The following MTRR variants were observed in gnomAD, a reference collection of about 807,000 sequenced individuals.
The protein encoded by MTRR is methionine synthase reductase.
A neutral mutation model predicts 79.2 loss-of-function variants in MTRR; 63 were observed. The observed-to-expected ratio is 0.80, with a 90% CI of 0.65 to 0.98. The LOEUF is 0.98. Among genes scored for constraint, MTRR ranks in the 50% least tolerant of loss-of-function variants. The pLI, the probability that MTRR is intolerant of heterozygous loss-of-function variation, is 0.00. For synonymous variants in MTRR, 355 were observed against 313.3 expected (o/e 1.13, Z -1.41); for missense variants, 895 against 839.6 (o/e 1.07, Z -0.82).
chr5:7,885,123 G>A (rs1219825324), intron 6 of MTRR: 1 of 160,272 alleles, frequency 6.2e-6, no homozygotes, highest in Non-Finnish European at 1.4e-5. Flanking sequence ...AATGGGCCTA[G>A]TAATAGACTT....
chr5:7,864,692 C>T (rs1011736535), upstream of MTRR, among the ~76,000 whole-genome samples: 3 of 152,136 alleles, frequency 2.0e-5, no homozygotes, highest in Admixed American at 1.3e-4. Context: ...ATATGATATC[C>T]TCTTTCATGT....
chr5:7,860,997 C>T (rs773693541), intron 1 of MTRR: 9 of 507,162 alleles, frequency 1.8e-5, no homozygotes, highest in East Asian at 5.9e-5. Context: ...CAAGCCATTT[C>T]GAGTTTTGTG....
chr5:7,890,796 A>T (rs2126781844), intron 9 of MTRR, among the ~76,000 whole-genome samples: 1 of 152,332 alleles, frequency 6.6e-6, no homozygotes, highest in Admixed American at 6.5e-5. Flanking sequence ...AGATTATTTA[A>T]CCTGCTTTTG....
chr5:7,869,422 TTGG>T, intron 1 of MTRR: 1 of 593,120 alleles, frequency 1.7e-6, no homozygotes, highest in Non-Finnish European at 2.9e-6. Context: ...GAGCGTGTCC[TTGG>T]GCTCGGCGTC....
intron 1 of MTRR, among the ~76,000 whole-genome samples, chr5:7,853,684 C>T (rs1283881755): frequency 1.3e-5 from 2 of 152,088 alleles, no homozygotes; most frequent in Non-Finnish European, 2.9e-5. Context: ...GAAGAATTGC[C>T]CCAGAGGATC....
intron 1 of MTRR, among the ~76,000 whole-genome samples, chr5:7,856,066 A>G (rs994636596): frequency 6.6e-6 from 1 of 152,204 alleles, no homozygotes; most frequent in Non-Finnish European, 1.5e-5. Flanking sequence ...GCTGAGCTGG[A>G]GAGACTCAAG....
chr5:7,884,013 A>C (rs962737028), intron 6 of MTRR, among the ~76,000 whole-genome samples: 1 of 152,098 alleles, frequency 6.6e-6, no homozygotes, highest in Non-Finnish European at 1.5e-5. Flanking sequence ...AAAATACAAT[A>C]AGTAGCTGGG....
chr5:7,877,265 G>C (rs1389428541), intron 4 of MTRR, among the ~76,000 whole-genome samples: 1 of 152,132 alleles, frequency 6.6e-6, no homozygotes, highest in Non-Finnish European at 1.5e-5. Context: ...TAATTTGTTA[G>C]TAGTAGGTGG....
At chr5:7,867,275 A>T (rs540017511), upstream of MTRR, 9 of 1,613,792 alleles carry the variant, frequency 5.6e-6, no homozygotes, top group Admixed American at 1.5e-4. Flanking sequence ...GTGTTCATCC[A>T]CTTTTTCAGT....
At chr5:7,885,978 G>A in intron 7 of MTRR, 124 bp downstream of exon 7, 1 of 1,289,684 alleles carries the variant, frequency 7.8e-7, no homozygotes, top group South Asian at 1.2e-5. Flanking sequence ...GGGCTCAGCT[G>A]CGCATCAAGG....
intron 1 of MTRR, chr5:7,861,504 A>T: frequency 1.9e-6 from 2 of 1,043,662 alleles, no homozygotes; most frequent in Non-Finnish European, 1.3e-6. Context: ...TATTTTTTTC[A>T]CCTTCTTGAG....
upstream of MTRR, chr5:7,867,832 T>C (rs1012411193): frequency 5.0e-6 from 8 of 1,614,080 alleles, no homozygotes; most frequent in African/African-American, 9.3e-5. Context: ...CGCAGTCAGA[T>C]ACTTGAGAGA....
At chr5:7,891,554 A>G (rs986275456) in intron 10 of MTRR, 140 bp downstream of exon 10, 6 of 702,564 alleles carry the variant, frequency 8.5e-6, no homozygotes, top group East Asian at 8.1e-5. Context: ...ATAATAAAGC[A>G]GAAGAAGAAT....
At chr5:7,869,525 C>T (rs549081012) in intron 1 of MTRR, 49 of 357,000 alleles carry the variant, frequency 1.4e-4, no homozygotes, top group Non-Finnish European at 1.5e-4. Context: ...CTAGGGAAAC[C>T]GCACTCGGGG....
chr5:7,896,395 C>T, intron 12 of MTRR: 1 of 211,426 alleles, frequency 4.7e-6, no homozygotes, highest in Non-Finnish European at 9.5e-6. Context: ...GAGTCCTGTC[C>T]TTCGGACAGT....
chr5:7,887,807 T>C (rs568935911), intron 8 of MTRR, among the ~76,000 whole-genome samples: 1,042 of 35,152 alleles, frequency 0.03, 25 homozygotes, highest in South Asian at 0.052. Flanking sequence ...TATATATATA[T>C]ATATATATAT....
upstream of MTRR, chr5:7,868,196 T>C (rs1366119412): frequency 8.9e-5 from 25 of 281,494 alleles, no homozygotes; most frequent in Admixed American, 6.7e-4. Flanking sequence ...CAAACGAGTA[T>C]CTGGAAAAAA....
In MTRR at chr5:7,899,914, A is replaced by C. The variant is rs145608761; in HGVS notation, c.1953A>C (p.Gly651=). 1.2e-6 allele frequency: 2 copies of C among 1,614,066 alleles called. No individual in the cohort carries two copies. Among genetic ancestry groups the C allele is most frequent in the African/African-American group, 2.7e-5 (2 of 74,922 alleles). ...GTCATCTTATTATTTTCTTTTCTAGAGATGCAAAGAATATGGCCAAGGATG... is the reference window on the plus strand; with the variant it reads ...GTCATCTTATTATTTTCTTTTCTAGCGATGCAAAGAATATGGCCAAGGATG... The part of the protein sequence containing the change: ...LQENGHIYVC[G]DAKNMAKDVH... The change falls in exon 15 of 15, where the codon GGA becomes GGC. Residue 651 remains glycine, a splice_region_variant and synonymous_variant. Transcript: ENST00000440940.
chr5:7,900,310 C>T lies in MTRR; in HGVS notation c.*252C>T, dbSNP rs753509594. On this transcript the variant is annotated 3_prime_UTR_variant, in exon 15 of 15. Transcript: ENST00000440940. ...CCCTGTTGCCTTGAGCTCTTCTGAG[C>T]TAAGGCAGCCTTCAGTCCCTATCAG... 8.4e-6 allele frequency: 4 copies of T among 478,688 alleles called. No homozygotes were observed. The highest frequency in any genetic ancestry group is 1.5e-5 in the Non-Finnish European group (4 of 265,244). The allele number at this position is 478,688 out of a possible 1,614,324, so 29.7% of individuals were successfully genotyped here.
Sources: allele counts gnomAD v4.1 joint callset (sites outside exome capture counted in the v4.1 genomes callset), GRCh38; gene constraint gnomAD v4.1.1; transcripts MANE v1.5; gene names NCBI Gene and HGNC (gene_info 2026-07-23, HGNC 2026-07-21).